Variants in CCNY observed in about 807,000 individuals in gnomAD.
CCNY encodes cyclin Y.
Under a neutral mutation model 42.8 loss-of-function variants are expected in CCNY, and 19 were observed. The observed-to-expected ratio is 0.44, with a 90% confidence interval of 0.31 to 0.65. The LOEUF is 0.65. CCNY is among the 30% of genes least tolerant of loss of function. The pLI is 0.07. For missense variants in CCNY, 370 were observed against 437.3 expected (o/e 0.85, Z 1.37); for synonymous variants, 165 against 162.7 (o/e 1.01, Z -0.11).
chr10:35,555,569 G>A (rs1841347159), intron 8 of CCNY, among the ~76,000 whole-genome samples: 1 of 152,174 alleles, frequency 6.6e-6, no homozygotes, highest in South Asian at 2.1e-4. Flanking sequence ...TTATCCATGA[G>A]GTGGTACTAT....
chr10:35,485,127 G>C (rs1276282526), intron 2 of CCNY, among the ~76,000 whole-genome samples: 1 of 152,176 alleles, frequency 6.6e-6, no homozygotes, highest in Non-Finnish European at 1.5e-5. Context: ...TAGAAAAAGG[G>C]AAAGTAACCA....
At chr10:35,413,904 C>T (rs967479758) in intron 1 of CCNY, among the ~76,000 whole-genome samples, 1 of 152,192 alleles carries the variant, frequency 6.6e-6, no homozygotes, top group Non-Finnish European at 1.5e-5. Flanking sequence ...ATGCATCGGG[C>T]ACGTCGCTTT....
chr10:35,558,486 C>G (rs748755161), intron 8 of CCNY, among the ~76,000 whole-genome samples: 2 of 152,282 alleles, frequency 1.3e-5, no homozygotes, highest in Non-Finnish European at 2.9e-5. Context: ...CCCGCTGAGT[C>G]CTGTAACAGA....
intron 1 of CCNY, among the ~76,000 whole-genome samples, chr10:35,403,080 A>G (rs943461603): frequency 1.7e-5 from 2 of 115,620 alleles, no homozygotes; most frequent in Non-Finnish European, 3.3e-5. Context: ...TCAATTTGCC[A>G]GTCCTGGGCG....
At chr10:35,477,164 G>A (rs1839532684) in intron 1 of CCNY, among the ~76,000 whole-genome samples, 1 of 151,986 alleles carries the variant, frequency 6.6e-6, no homozygotes. Flanking sequence ...CAACCAAAAA[G>A]AGTCCAGGAC....
At chr10:35,507,973 G>A (rs1296985767) in intron 3 of CCNY, among the ~76,000 whole-genome samples, 1 of 151,968 alleles carries the variant, frequency 6.6e-6, no homozygotes, top group Non-Finnish European at 1.5e-5. Flanking sequence ...TTTGATTACC[G>A]GGCAAGGTGC....
chr10:35,520,731 T>C (rs1306195600), intron 4 of CCNY, among the ~76,000 whole-genome samples: 1 of 152,192 alleles, frequency 6.6e-6, no homozygotes, highest in East Asian at 1.9e-4. Flanking sequence ...CATTCAGTGC[T>C]CACTCTTTCT....
chr10:35,305,463 T>C (rs1183496160), intron 3 of CCNY, among the ~76,000 whole-genome samples: 1 of 152,198 alleles, frequency 6.6e-6, no homozygotes, highest in African/African-American at 2.4e-5. Context: ...GAAATCTGCA[T>C]GTTTATTCCA....
intron 2 of CCNY, among the ~76,000 whole-genome samples, chr10:35,487,789 C>A (rs1360952725): frequency 1.3e-5 from 2 of 152,100 alleles, no homozygotes; most frequent in African/African-American, 4.8e-5. Context: ...AGACTTTGTA[C>A]AGGAGCCACT....
intron 3 of CCNY, among the ~76,000 whole-genome samples, chr10:35,329,058 T>C (rs1415106820): frequency 6.6e-6 from 1 of 152,230 alleles, no homozygotes; most frequent in African/African-American, 2.4e-5. Flanking sequence ...GATCACAGAA[T>C]GACCAAAAGT....
Position 35,394,890 on chromosome 10 carries a change from C to T in CCNY, c.154+57683C>T, listed in dbSNP as rs554277268. ...TCCTTCTGAATACTGTGAGTCTGTGCCTTGGAAAATTAAATGGGAGTATTG... is the reference window on the plus strand; with the variant it reads ...TCCTTCTGAATACTGTGAGTCTGTGTCTTGGAAAATTAAATGGGAGTATTG... On this transcript the variant is annotated intron_variant, in intron 1 of 9. Transcript: ENST00000374704. The T allele has an allele frequency of 7.1e-6, 7 of 979,548 alleles. No homozygotes were observed. The East Asian group carries it at 8.0e-4, about 112-fold the overall frequency. The allele number at this position is 979,548 out of a possible 1,614,324, so 60.7% of individuals were successfully genotyped here. A position where few individuals can be genotyped will look rare whatever the true frequency, so the allele number is the denominator to read the frequency against.
chr10:35,423,910 A>G (rs1283174320), intron 1 of CCNY, among the ~76,000 whole-genome samples: 1 of 152,220 alleles, frequency 6.6e-6, no homozygotes, highest in Non-Finnish European at 1.5e-5. Context: ...AGTTTTTCAG[A>G]TAGTATCTGA....
At chr10:35,488,329 G>A (rs1238201576) in intron 2 of CCNY, among the ~76,000 whole-genome samples, 4 of 152,110 alleles carry the variant, frequency 2.6e-5, no homozygotes, top group South Asian at 2.1e-4. Flanking sequence ...TTGAACTTTT[G>A]CGTGGTGAAA....
intron 4 of CCNY, among the ~76,000 whole-genome samples, chr10:35,521,640 C>A (rs1349598201): frequency 6.6e-6 from 1 of 152,148 alleles, no homozygotes; most frequent in East Asian, 1.9e-4. Context: ...TCTGGCCCTG[C>A]GAAGGGGATA....
chr10:35,534,462 T>C (rs1388367511), intron 7 of CCNY, among the ~76,000 whole-genome samples: 1 of 152,042 alleles, frequency 6.6e-6, no homozygotes, highest in East Asian at 1.9e-4. Flanking sequence ...AGAGAGGAAG[T>C]TGGTGATTGA....
intron 1 of CCNY, among the ~76,000 whole-genome samples, chr10:35,458,523 G>A (rs571485641): frequency 6.6e-6 from 1 of 152,298 alleles, no homozygotes; most frequent in South Asian, 2.1e-4. Context: ...TCCCATTCTG[G>A]GTTAGCTTCT....
chr10:35,516,950 T>C (rs1203219565), intron 4 of CCNY, among the ~76,000 whole-genome samples: 4 of 152,346 alleles, frequency 2.6e-5, no homozygotes, highest in South Asian at 4.1e-4. Flanking sequence ...TCATGCTTTC[T>C]ACCCTTGCAC....
chr10:35,536,324 C>G (rs1457865751), intron 7 of CCNY, among the ~76,000 whole-genome samples: 1 of 152,174 alleles, frequency 6.6e-6, no homozygotes, highest in Admixed American at 6.5e-5. Flanking sequence ...TCCAATTAAA[C>G]CTCTTTTTTT....
In CCNY at chr10:35,572,167, T is replaced by A. The variant is rs764421588; in HGVS notation, c.*2997T>A. ...TCGGGCTTGGGCAGAGCCATCTCCA[T>A]CCTGGGGTTTCCTTTAAGCTAAGCT... On this transcript the variant is annotated 3_prime_UTR_variant, in exon 10 of 10. Transcript: ENST00000374704. 3 of 152,228 alleles carry A rather than the reference T, an allele frequency of 2.0e-5. No homozygotes were observed. Among genetic ancestry groups the A allele is most frequent in the Admixed American group, 6.5e-5 (1 of 15,274 alleles). 9.4% of individuals were successfully genotyped at this position (152,228 alleles called of 1,614,324 possible).
Sources: allele counts gnomAD v4.1 joint callset (sites outside exome capture counted in the v4.1 genomes callset), GRCh38; gene constraint gnomAD v4.1.1; transcripts MANE v1.5; gene names NCBI Gene and HGNC (gene_info 2026-07-23, HGNC 2026-07-21).